ARHGAP6: variants seen among roughly 807,000 people sequenced by gnomAD.
ARHGAP6 encodes the protein rho GTPase-activating protein 6.
Under a neutral mutation model 55.7 loss-of-function variants are expected in ARHGAP6, and 16 were observed. The observed-to-expected ratio is 0.29, with a 90% CI of 0.19 to 0.44. The LOEUF is 0.44. Ranked by LOEUF, ARHGAP6 falls within the 20% of genes least tolerant of loss-of-function variation. The pLI is 1.00. For synonymous variants in ARHGAP6, 382 were observed against 360.9 expected (o/e 1.06, Z -0.66); for missense variants, 698 against 808.9 (o/e 0.86, Z 1.66).
At chrX:11,614,019 G>A (rs1416717823) in intron 1 of ARHGAP6, among the ~76,000 whole-genome samples, 1 of 111,804 alleles carries the variant, frequency 8.9e-6, no homozygotes, top group Non-Finnish European at 1.9e-5. Context: ...AGGGCTCCCA[G>A]ACCACTGGCA....
intron 1 of ARHGAP6, among the ~76,000 whole-genome samples, chrX:11,418,260 T>C (rs1195595370): frequency 8.9e-6 from 1 of 112,131 alleles, no homozygotes; most frequent in Non-Finnish European, 1.9e-5. Context: ...CTTTCTGCAG[T>C]CCAGGTTGAA....
intron 1 of ARHGAP6, among the ~76,000 whole-genome samples, chrX:11,637,313 T>G (rs1173140388): frequency 9.0e-6 from 1 of 111,339 alleles, no homozygotes; most frequent in Non-Finnish European, 1.9e-5. Flanking sequence ...AATGGCCAAG[T>G]TGATGTTCAG....
At chrX:11,450,885 C>G (rs1239845026) in intron 1 of ARHGAP6, among the ~76,000 whole-genome samples, 1 of 111,370 alleles carries the variant, frequency 9.0e-6, no homozygotes, top group African/African-American at 3.3e-5. Context: ...TCAAATGTCC[C>G]CTGGGTGGCA....
intron 10 of ARHGAP6, among the ~76,000 whole-genome samples, chrX:11,151,357 C>T (rs779731092): frequency 1.2e-4 from 13 of 109,467 alleles, no homozygotes; most frequent in African/African-American, 3.0e-4. Flanking sequence ...CACAAAACCC[C>T]GGGCTCAGGT....
At chrX:11,357,366 T>G (rs192446759) in intron 1 of ARHGAP6, among the ~76,000 whole-genome samples, 27 of 112,018 alleles carry the variant, frequency 2.4e-4, no homozygotes, top group African/African-American at 8.4e-4. Context: ...TCCAAAGCAA[T>G]GAGGATGGAA....
At chrX:11,517,469 G>C (rs184823536) in intron 1 of ARHGAP6, among the ~76,000 whole-genome samples, 1 of 111,497 alleles carries the variant, frequency 9.0e-6, no homozygotes, top group Non-Finnish European at 1.9e-5. Flanking sequence ...TTATCTTCTC[G>C]TGCACACTGT....
Position 11,186,256 on chromosome X carries a change from C to G in ARHGAP6, c.1253G>C (p.Cys418Ser). The change falls in exon 5 of 13, where the codon TGT becomes TCT. Residue 418 changes from cysteine (C) to serine (S), a missense_variant. By Grantham distance (112) the Cys-to-Ser change is moderately radical. Transcript: ENST00000337414. ...CTTACCATGTTTTTCTAGGTGCTGA[C>G]AGCAGCTGTCCACCAGCCTAGGGAC... ...RQVPRLVDSCCQHLEKHGLQT... is the reference protein window; with the variant it reads ...RQVPRLVDSCSQHLEKHGLQT... 8.3e-7 allele frequency: 1 copy of G among 1,210,357 alleles called. No individual in the cohort carries two copies. Among genetic ancestry groups the G allele is most frequent in the Non-Finnish European group, 1.1e-6 (1 of 894,598 alleles).
intron 2 of ARHGAP6, among the ~76,000 whole-genome samples, chrX:11,226,531 G>GGT (rs759098633): frequency 9.0e-6 from 1 of 111,535 alleles, no homozygotes; most frequent in East Asian, 2.8e-4. Context: ...AGTTTTGTGG[G>GGT]AGTTATTTAA....
chrX:11,527,284 C>T lies in ARHGAP6; in HGVS notation c.588+136957G>A, dbSNP rs61697636. 8.2e-3 allele frequency among the ~76,000 whole-genome samples: 908 copies of T among 111,157 alleles called. 13 individuals carry two copies. Among genetic ancestry groups the T allele is most frequent in the African/African-American group, 0.028 (858 of 30,573 alleles). On this transcript the variant is annotated intron_variant, in intron 1 of 12. Coordinates refer to ENST00000337414, the MANE Select transcript of ARHGAP6 (RefSeq NM_013427.3). Reference sequence around the variant, plus strand: ...CTTCTTCTATGAGTGTTGTAAAGTTCAAGTGAGATATATGTATAAAGATTT... The same window carrying T: ...CTTCTTCTATGAGTGTTGTAAAGTTTAAGTGAGATATATGTATAAAGATTT...
intron 8 of ARHGAP6, among the ~76,000 whole-genome samples, chrX:11,174,623 T>C (rs761537055): frequency 1.7e-4 from 8 of 46,728 alleles, no homozygotes; most frequent in East Asian, 1.3e-3. Flanking sequence ...TTTCTCTTTC[T>C]TTTCTTTCTT....
At chrX:11,358,080 C>T (rs1381642314) in intron 1 of ARHGAP6, among the ~76,000 whole-genome samples, 3 of 111,769 alleles carry the variant, frequency 2.7e-5, no homozygotes, top group African/African-American at 9.8e-5. Context: ...CATGAATCTA[C>T]TTTCTGCCTC....
chrX:11,481,740 T>A (rs1165886394), intron 1 of ARHGAP6, among the ~76,000 whole-genome samples: 2 of 112,810 alleles, frequency 1.8e-5, no homozygotes, highest in Non-Finnish European at 3.7e-5. Context: ...GAGATTCCAA[T>A]TTAACTGGAT....
At chrX:11,174,518 T>TTTCC (rs1183794863) in intron 8 of ARHGAP6, among the ~76,000 whole-genome samples, 1,000 of 69,501 alleles carry the variant, frequency 0.014, 20 homozygotes, top group East Asian at 0.023. Context: ...TCTTTCTTTC[T>TTTCC]TTCCTTCCTT....
At chrX:11,340,585 C>A (rs1380147579) in intron 1 of ARHGAP6, among the ~76,000 whole-genome samples, 2 of 109,241 alleles carry the variant, frequency 1.8e-5, no homozygotes, top group Non-Finnish European at 3.8e-5. Context: ...AAAAATTAGC[C>A]GGGCGTAGTG....
In ARHGAP6 at chrX:11,542,347, G is replaced by A. The variant is rs752703958; in HGVS notation, c.588+121894C>T. ...CAATTAGCCAGGTGTGGTGGTGGGTGCCTGTAATCCCAGCTACTCCGGAGG... is the reference window on the plus strand; with the variant it reads ...CAATTAGCCAGGTGTGGTGGTGGGTACCTGTAATCCCAGCTACTCCGGAGG... On this transcript the variant is annotated intron_variant, in intron 1 of 12. Transcript: ENST00000337414. Among the ~76,000 whole-genome samples the A allele has an allele frequency of 7.2e-5, 8 of 110,779 alleles. No homozygotes were observed. In the South Asian group the frequency reaches 2.7e-3, roughly 37 times the overall value.
At chrX:11,195,169 TG>T (rs1569250530) in intron 3 of ARHGAP6, among the ~76,000 whole-genome samples, 4 of 110,551 alleles carry the variant, frequency 3.6e-5, no homozygotes, top group Non-Finnish European at 5.7e-5. Flanking sequence ...CTGGCCAACA[TG>T]GTGAAAGCCC....
chrX:11,334,101 G>T (rs769987780), intron 1 of ARHGAP6: 5 of 106,399 alleles, frequency 4.7e-5, no homozygotes, highest in South Asian at 4.2e-4. Flanking sequence ...TCAGTATTAC[G>T]CACTGTGGTT....
At position 11,284,082 on chromosome X, in the gene ARHGAP6, T is replaced by A. The variant is rs765481796; in HGVS notation, c.589-29375A>T. On this transcript the variant is annotated intron_variant, in intron 1 of 12. Coordinates refer to ENST00000337414, the MANE Select transcript of ARHGAP6 (RefSeq NM_013427.3). Reference sequence around the variant, plus strand: ...TGATCCCTTTCTCAGGCCTACTAAATGAGAATCTGCCTTTCAACAAGGTCC... The same window carrying A: ...TGATCCCTTTCTCAGGCCTACTAAAAGAGAATCTGCCTTTCAACAAGGTCC... Among the ~76,000 whole-genome samples the A allele has an allele frequency of 3.6e-5, 4 of 111,955 alleles. No homozygotes were observed. In the South Asian group the frequency reaches 1.5e-3, roughly 42 times the overall value.
chrX:11,452,159 T>G (rs1569349863), intron 1 of ARHGAP6, among the ~76,000 whole-genome samples: 1 of 112,215 alleles, frequency 8.9e-6, no homozygotes, highest in Non-Finnish European at 1.9e-5. Flanking sequence ...TTTTAATTTA[T>G]TTTTTTGAGA....
Sources: allele counts gnomAD v4.1 joint callset (sites outside exome capture counted in the v4.1 genomes callset), GRCh38; gene constraint gnomAD v4.1.1; transcripts MANE v1.5; gene names NCBI Gene and HGNC (gene_info 2026-07-23, HGNC 2026-07-21).